The following SH2D1A variants were observed in gnomAD, a reference collection of about 807,000 sequenced individuals.
SH2D1A encodes SH2 domain containing 1A, also known as SH2 domain-containing protein 1A.
SH2D1A carries 6 observed loss-of-function variants against 10.1 expected under a neutral mutation model. That is an observed-to-expected ratio of 0.60 (90% CI 0.33 to 1.18). SH2D1A has a LOEUF of 1.18. Among genes scored for constraint, SH2D1A ranks in the 50% most tolerant of loss-of-function variants. The pLI, the probability that SH2D1A is intolerant of heterozygous loss-of-function variation, is 0.04. For synonymous variants in SH2D1A, 42 were observed against 36.9 expected, an observed-to-expected ratio of 1.14 and a Z score of -0.51; for missense variants, 51 against 97.6, an observed-to-expected ratio of 0.52 and a Z score of 2.01.
intron 1 of SH2D1A, among the ~76,000 whole-genome samples, chrX:124,358,316 G>A (rs1044107864): frequency 2.7e-5 from 3 of 111,575 alleles, no homozygotes; most frequent in Non-Finnish European, 5.6e-5. Flanking sequence ...CTCTTGACTT[G>A]TTTCCTTGGA....
At chrX:124,360,326 G>A (rs1163128581) in intron 1 of SH2D1A, among the ~76,000 whole-genome samples, 2 of 106,984 alleles carry the variant, frequency 1.9e-5, no homozygotes, top group Non-Finnish European at 3.8e-5. Flanking sequence ...TCCTGGCTAG[G>A]TGTGGTGGCT....
chrX:124,352,256 A>G (rs759347538), intron 1 of SH2D1A, among the ~76,000 whole-genome samples: 1 of 111,429 alleles, frequency 9.0e-6, no homozygotes, highest in South Asian at 3.7e-4. Flanking sequence ...TACAACTTCC[A>G]TTCTTCATTG....
chrX:124,365,544 A>T (rs2060051951), intron 1 of SH2D1A, among the ~76,000 whole-genome samples: 1 of 111,368 alleles, frequency 9.0e-6, no homozygotes, highest in African/African-American at 3.3e-5. Flanking sequence ...CATATTTCAA[A>T]AAATGAAAAG....
At chrX:124,361,026 T>C (rs2060039140) in intron 1 of SH2D1A, among the ~76,000 whole-genome samples, 1 of 111,445 alleles carries the variant, frequency 9.0e-6, no homozygotes. Context: ...ATAAACCTAA[T>C]AGGATTTTTG....
chrX:124,350,275 TATA>T (rs1202898090), intron 1 of SH2D1A, among the ~76,000 whole-genome samples: 1 of 32,236 alleles, frequency 3.1e-5, no homozygotes, highest in Non-Finnish European at 4.5e-5. Flanking sequence ...ATATATTATA[TATA>T]ATATTATATA....
chrX:124,359,752 C>T (rs938376733), intron 1 of SH2D1A, among the ~76,000 whole-genome samples: 1 of 111,864 alleles, frequency 8.9e-6, no homozygotes, highest in Non-Finnish European at 1.9e-5. Flanking sequence ...AATATTCTGG[C>T]AATCCTTCGT....
chrX:124,361,376 T>C (rs773062987), intron 1 of SH2D1A, among the ~76,000 whole-genome samples: 1 of 112,232 alleles, frequency 8.9e-6, no homozygotes, highest in African/African-American at 3.2e-5. Flanking sequence ...AATAAATTTC[T>C]GTTGTTTAAG....
intron 1 of SH2D1A, among the ~76,000 whole-genome samples, chrX:124,347,396 T>G (rs1206622174): frequency 9.0e-6 from 1 of 111,162 alleles, no homozygotes; most frequent in Non-Finnish European, 1.9e-5. Flanking sequence ...ATAGGACCCT[T>G]CTTGATAAAC....
At chrX:124,361,232 C>A (rs1171089364) in intron 1 of SH2D1A, among the ~76,000 whole-genome samples, 1 of 111,496 alleles carries the variant, frequency 9.0e-6, no homozygotes. Context: ...AGGAAGAATG[C>A]ATGTACAAAG....
chrX:124,355,189 T>G (rs889948080), intron 1 of SH2D1A, among the ~76,000 whole-genome samples: 13 of 112,431 alleles, frequency 1.2e-4, no homozygotes, highest in African/African-American at 4.2e-4. Context: ...GTGTAGTACT[T>G]GACGTGGTAT....
chrX:124,364,416 G>A (rs930560845), intron 1 of SH2D1A: 4 of 281,413 alleles, frequency 1.4e-5, no homozygotes, highest in African/African-American at 8.4e-5. Context: ...TGTTTTAAGC[G>A]AAGTGTTATA....
intron 1 of SH2D1A, among the ~76,000 whole-genome samples, chrX:124,351,974 CCTTA>C (rs2060016343): frequency 2.7e-5 from 3 of 110,285 alleles, no homozygotes; most frequent in Non-Finnish European, 1.9e-5. Context: ...TGGTGTTTGC[CCTTA>C]CTTTTTTTGA....
intron 1 of SH2D1A, among the ~76,000 whole-genome samples, chrX:124,348,587 C>T (rs1375205525): frequency 9.0e-6 from 1 of 111,672 alleles, no homozygotes; most frequent in Non-Finnish European, 1.9e-5. Context: ...ACTTGCTTGA[C>T]CACCTATCTA....
chrX:124,360,635 T>C lies in SH2D1A; in HGVS notation c.138-5126T>C, dbSNP rs764245574. Among the ~76,000 whole-genome samples, 3 of 91,791 alleles carry C rather than the reference T, an allele frequency of 3.3e-5. No individual in the cohort carries two copies. In the East Asian group the frequency reaches 1.1e-3, roughly 33 times the overall value. The allele number at this position is 91,791 out of a possible 115,157, so 79.7% of individuals were successfully genotyped here. A position where few individuals can be genotyped will look rare whatever the true frequency, so the allele number is the denominator to read the frequency against. ...AAAAAAAAAAAAAAAGCATGTGTCC[T>C]AACCAAAAGATCTCTATTGACCCAA... On this transcript the variant is annotated intron_variant, in intron 1 of 3. Transcript: ENST00000371139.
chrX:124,364,671 C>A (rs970815914), intron 1 of SH2D1A, among the ~76,000 whole-genome samples: 1 of 110,897 alleles, frequency 9.0e-6, no homozygotes, highest in East Asian at 2.8e-4. Context: ...TGCCACCATG[C>A]CTGGCTAAGT....
intron 2 of SH2D1A, 100 bp downstream of exon 2, chrX:124,365,924 T>C: frequency 1.8e-6 from 1 of 564,877 alleles, no homozygotes. Context: ...TAAGTATTCA[T>C]AAGGTTTAAA....
chrX:124,362,087 G>C (rs964818792), intron 1 of SH2D1A, among the ~76,000 whole-genome samples: 4 of 111,992 alleles, frequency 3.6e-5, no homozygotes, highest in African/African-American at 9.7e-5. Flanking sequence ...GAACAGGACA[G>C]TATGGTATAG....
At chrX:124,369,065 A>G (rs1325019435) in intron 2 of SH2D1A, among the ~76,000 whole-genome samples, 1 of 111,210 alleles carries the variant, frequency 9.0e-6, no homozygotes, top group Non-Finnish European at 1.9e-5. Flanking sequence ...AAATTACCCC[A>G]ACATAAGGAA....
intron 1 of SH2D1A, among the ~76,000 whole-genome samples, chrX:124,358,361 A>C (rs2147526887): frequency 8.9e-6 from 1 of 111,974 alleles, no homozygotes; most frequent in African/African-American, 3.2e-5. Flanking sequence ...GCAGTCAAAA[A>C]TATGTATGGT....
Sources: gnomAD v4.1 joint callset for allele counts (sites outside exome capture counted in the v4.1 genomes callset) on GRCh38, gnomAD v4.1.1 for gene constraint, MANE v1.5 for transcripts, NCBI Gene and HGNC (gene_info 2026-07-23, HGNC 2026-07-21) for gene names.